Variants in OPCML observed in about 807,000 individuals in gnomAD.
OPCML encodes opioid binding protein/cell adhesion molecule like.
OPCML carries 13 observed loss-of-function variants against 37.8 expected under a neutral mutation model. The observed-to-expected ratio is 0.34, with a 90% CI of 0.22 to 0.55. OPCML has a LOEUF of 0.55. Ranked by LOEUF, OPCML falls within the 20% of genes least tolerant of loss-of-function variation. OPCML has a pLI of 0.91. For synonymous variants in OPCML, 176 were observed against 168.8 expected (o/e 1.04, Z -0.33); for missense variants, 341 against 435.6 (o/e 0.78, Z 1.93).
At chr11:133,261,017 T>C (rs1941478862) in intron 1 of OPCML, among the ~76,000 whole-genome samples, 1 of 152,164 alleles carries the variant, frequency 6.6e-6, no homozygotes, top group Admixed American at 6.5e-5. Flanking sequence ...ACCAGCTCCA[T>C]TTGGTTTATA....
chr11:132,906,555 C>T (rs1944248007), intron 2 of OPCML, among the ~76,000 whole-genome samples: 1 of 152,140 alleles, frequency 6.6e-6, no homozygotes, highest in Non-Finnish European at 1.5e-5. Flanking sequence ...CCATTAGGGT[C>T]GTTTACCATT....
intron 1 of OPCML, among the ~76,000 whole-genome samples, chr11:132,974,950 A>G (rs1024261328): frequency 3.3e-5 from 5 of 151,762 alleles, no homozygotes; most frequent in African/African-American, 1.2e-4. Context: ...TCCAGAGTCT[A>G]TAGCTTCAAT....
chr11:132,637,639 T>C (rs1206780288), intron 3 of OPCML, among the ~76,000 whole-genome samples: 1 of 152,168 alleles, frequency 6.6e-6, no homozygotes, highest in East Asian at 1.9e-4. Flanking sequence ...TGTATCTAAG[T>C]TCTACTTTGA....
Position 133,312,840 on chromosome 11 carries a change from T to C in OPCML, c.61+219424A>G, listed in dbSNP as rs1943097939. On this transcript the variant is annotated intron_variant, in intron 1 of 7. Coordinates refer to ENST00000524381, the MANE Select transcript of OPCML (RefSeq NM_001012393.5). ...AACAGTCATTTAACTTCTTTAAGCCTCAGTTTTCTTATCCTCAAAGTTGGA... is the reference window on the plus strand; with the variant it reads ...AACAGTCATTTAACTTCTTTAAGCCCCAGTTTTCTTATCCTCAAAGTTGGA... Among the ~76,000 whole-genome samples the C allele has an allele frequency of 3.3e-5, 5 of 152,360 alleles. No individual in the cohort carries two copies. The South Asian group carries it at 1.0e-3, about 32-fold the overall frequency.
At chr11:132,979,247 G>T (rs1946532054) in intron 1 of OPCML, among the ~76,000 whole-genome samples, 1 of 152,188 alleles carries the variant, frequency 6.6e-6, no homozygotes, top group Non-Finnish European at 1.5e-5. Context: ...AGGAGGAACA[G>T]CTGTTTAAAG....
chr11:132,953,602 G>A (rs1325910042), intron 1 of OPCML, among the ~76,000 whole-genome samples: 1 of 152,112 alleles, frequency 6.6e-6, no homozygotes, highest in African/African-American at 2.4e-5. Context: ...TTTTTTAAAT[G>A]TTCAGTACCA....
At chr11:133,232,969 C>T (rs2136391617) in intron 1 of OPCML, among the ~76,000 whole-genome samples, 1 of 152,280 alleles carries the variant, frequency 6.6e-6, no homozygotes, top group South Asian at 2.1e-4. Context: ...TGTTTGACTC[C>T]AGCTAAATAA....
At chr11:132,420,410 C>A in intron 7 of OPCML, 117 bp from the exon 8 acceptor site, 1 of 1,448,122 alleles carries the variant, frequency 6.9e-7, no homozygotes, top group East Asian at 2.6e-5. Context: ...GCTGACCATT[C>A]CAAGTCTAAA....
intron 2 of OPCML, among the ~76,000 whole-genome samples, chr11:132,720,576 C>T (rs1944642993): frequency 6.6e-6 from 1 of 152,202 alleles, no homozygotes; most frequent in Admixed American, 6.5e-5. Flanking sequence ...ACTGGTGTAG[C>T]TTTCAAAACC....
chr11:132,708,013 G>C (rs1944104703), intron 2 of OPCML, among the ~76,000 whole-genome samples: 1 of 152,134 alleles, frequency 6.6e-6, no homozygotes, highest in Admixed American at 6.5e-5. Flanking sequence ...AGAATTTTCA[G>C]AATGATAAAA....
At chr11:132,697,976 CTATTTATTTATTTATT>C (rs59713386) in intron 2 of OPCML, among the ~76,000 whole-genome samples, 62,593 of 133,918 alleles carry the variant, frequency 0.47, 14,751 homozygotes, top group Admixed American at 0.54. Context: ...ATTTTATTTT[CTATTTATTTATTTATT>C]TATTTATTTA....
intron 1 of OPCML, among the ~76,000 whole-genome samples, chr11:133,083,247 G>C (rs944181737): frequency 1.3e-5 from 2 of 152,172 alleles, no homozygotes; most frequent in Non-Finnish European, 2.9e-5. Flanking sequence ...GCGGGAGCGG[G>C]AGCCGCGGGC....
intron 2 of OPCML, among the ~76,000 whole-genome samples, chr11:132,667,941 G>C (rs1942291763): frequency 6.6e-6 from 1 of 152,224 alleles, no homozygotes; most frequent in Non-Finnish European, 1.5e-5. Context: ...AGAGAATGTA[G>C]ATGATGGGTT....
In OPCML at chr11:132,419,840, C is replaced by T; in HGVS notation, c.*353G>A. ...GTTTATTGTGAGGCTCAATTTTTGC[C>T]CAAATGAAACTTACGTTTTGTTGTG... On this transcript the variant is annotated 3_prime_UTR_variant, in exon 8 of 8. Coordinates refer to ENST00000524381, the MANE Select transcript of OPCML (RefSeq NM_001012393.5). 4.6e-6 allele frequency: 1 copy of T among 216,852 alleles called. No individual in the cohort carries two copies. The highest frequency in any genetic ancestry group is 9.1e-6 in the Non-Finnish European group (1 of 109,720). The allele number at this position is 216,852 out of a possible 1,614,324, so 13.4% of individuals were successfully genotyped here. A position where few individuals can be genotyped will look rare whatever the true frequency, so the allele number is the denominator to read the frequency against.
In OPCML at chr11:132,530,700, A is replaced by C. The variant is rs1044579140; in HGVS notation, c.380-1514T>G. 2.0e-5 allele frequency among the ~76,000 whole-genome samples: 3 copies of C among 152,186 alleles called. No homozygotes were observed. The South Asian group carries it at 6.2e-4, about 32-fold the overall frequency. ...ACTCTACCAGGTTTAACAAGCAAAC[A>C]AACCCTTCTGCATGACCTGAGCTCT... On this transcript the variant is annotated intron_variant, in intron 3 of 7. Transcript: ENST00000524381.
At chr11:132,972,698 G>A (rs1209180723) in intron 1 of OPCML, among the ~76,000 whole-genome samples, 3 of 152,118 alleles carry the variant, frequency 2.0e-5, no homozygotes, top group South Asian at 2.1e-4. Flanking sequence ...GTAGCAATGC[G>A]CAAGGACCGT....
intron 2 of OPCML, among the ~76,000 whole-genome samples, chr11:132,853,262 A>G (rs1010390388): frequency 6.6e-6 from 1 of 152,186 alleles, no homozygotes; most frequent in Non-Finnish European, 1.5e-5. Context: ...ACGGCTTTCT[A>G]ATATTTAAAG....
chr11:132,677,132 A>C (rs1239769431), intron 2 of OPCML, among the ~76,000 whole-genome samples: 1 of 152,130 alleles, frequency 6.6e-6, no homozygotes, highest in Non-Finnish European at 1.5e-5. Context: ...TGAAATTAAA[A>C]ACACAGTACC....
chr11:133,448,569 T>C (rs891904078), intron 1 of OPCML, among the ~76,000 whole-genome samples: 1 of 152,226 alleles, frequency 6.6e-6, no homozygotes, highest in South Asian at 2.1e-4. Context: ...GCGATACTCC[T>C]GCCTCAGTCT....
Sources: allele counts gnomAD v4.1 joint callset (sites outside exome capture counted in the v4.1 genomes callset), GRCh38; gene constraint gnomAD v4.1.1; transcripts MANE v1.5; gene names NCBI Gene and HGNC (gene_info 2026-07-23, HGNC 2026-07-21).